Variants in PHF6 observed in about 807,000 individuals in gnomAD.
PHF6 encodes PHD-like zinc finger protein.
Under a neutral mutation model 34.0 loss-of-function variants are expected in PHF6, and 7 were observed. The observed-to-expected ratio is 0.21, with a 90% confidence interval of 0.12 to 0.39. PHF6 has a LOEUF of 0.39. PHF6 is among the 10% of genes least tolerant of loss of function. The probability of loss-of-function intolerance (pLI) is 1.00; values close to 1 mark genes in which losing one functional copy is unlikely to be tolerated. For synonymous variants in PHF6, 89 were observed against 88.4 expected, an observed-to-expected ratio of 1.01 and a Z score of -0.04; for missense variants, 128 against 262.8, an observed-to-expected ratio of 0.49 and a Z score of 3.55.
chrX:134,412,512 A>C (rs189455433), intron 5 of PHF6, among the ~76,000 whole-genome samples: 1 of 111,969 alleles, frequency 8.9e-6, no homozygotes, highest in Admixed American at 9.5e-5. Context: ...AATTATAATC[A>C]ATAACATGGT....
At position 134,405,816 on chromosome X, in the gene PHF6, A is replaced by ATATAT. The variant is rs78613336; in HGVS notation, c.419-7675_419-7674insTATAT. 4.8e-3 allele frequency among the ~76,000 whole-genome samples: 513 copies of ATATAT among 106,262 alleles called. 5 individuals are homozygous for ATATAT. Among genetic ancestry groups the ATATAT allele is most frequent in the East Asian group, 0.021 (72 of 3,389 alleles). 92.3% of individuals were successfully genotyped at this position (106,262 alleles called of 115,157 possible). A position where few individuals can be genotyped will look rare whatever the true frequency, so the allele number is the denominator to read the frequency against. Reference sequence around the variant, plus strand: ...TGTGCATGTGTATGTATATATATATAATATCAAGTATATCAAGTAAATGAT... The same window carrying ATATAT: ...TGTGCATGTGTATGTATATATATATATATATATATCAAGTATATCAAGTAAATGAT... On this transcript the variant is annotated intron_variant, in intron 5 of 10. Coordinates refer to ENST00000370803, the MANE Select transcript of PHF6 (RefSeq NM_001015877.2).
chrX:134,408,462 G>T (rs1195362630), intron 5 of PHF6, among the ~76,000 whole-genome samples: 1 of 111,699 alleles, frequency 9.0e-6, no homozygotes, highest in Non-Finnish European at 1.9e-5. Context: ...CCCACTAACA[G>T]TGTCTAATTC....
chrX:134,386,940 G>A (rs1175902320), intron 3 of PHF6, among the ~76,000 whole-genome samples: 1 of 111,489 alleles, frequency 9.0e-6, no homozygotes, highest in Non-Finnish European at 1.9e-5. Context: ...TGTAAATCCC[G>A]TGGATTAGGC....
chrX:134,419,041 A>C (rs12556335), intron 9 of PHF6: 1 of 109,030 alleles, frequency 9.2e-6, no homozygotes, highest in South Asian at 4.0e-4. Flanking sequence ...AGGAGGAGGA[A>C]GGGTTTTGTT....
chrX:134,386,567 C>T (rs1163856383), intron 3 of PHF6, among the ~76,000 whole-genome samples: 1 of 110,835 alleles, frequency 9.0e-6, no homozygotes, highest in African/African-American at 3.3e-5. Flanking sequence ...CACGCCACCA[C>T]GCCCAGCTAA....
rs369728254 is a variant in PHF6, at chrX:134,393,498, T to C, written c.241-3T>C. On this transcript the variant is annotated splice_polypyrimidine_tract_variant and splice_region_variant and intron_variant, in intron 3 of 10. Transcript: ENST00000370803. Reference sequence around the variant, plus strand: ...ATAATATTATTTTGTCGTTTTGCTGTAGATGTGTTCTTTGTGCCATTGTCC... The same window carrying C: ...ATAATATTATTTTGTCGTTTTGCTGCAGATGTGTTCTTTGTGCCATTGTCC... 37 of 1,209,744 alleles carry C rather than the reference T, an allele frequency of 3.1e-5. No homozygotes were observed. The highest frequency in any genetic ancestry group is 3.7e-5 in the Non-Finnish European group (33 of 894,733).
chrX:134,409,307 T>C (rs1460317556), intron 5 of PHF6, among the ~76,000 whole-genome samples: 2 of 111,676 alleles, frequency 1.8e-5, no homozygotes, highest in African/African-American at 3.2e-5. Context: ...CATTATCATA[T>C]TTTCAATTTT....
In PHF6 at chrX:134,427,442, A is replaced by G; in HGVS notation, c.*1782A>G. ...TTTTTACATTGTGTGCCATAGACTT[A>G]CCCATGGGACAACAGAGCTCCTTCA... is the stretch of plus-strand genomic sequence containing the variant. On this transcript the variant is annotated 3_prime_UTR_variant, in exon 11 of 11. Transcript: ENST00000370803. The G allele has an allele frequency of 6.2e-6, 1 of 160,528 alleles. No homozygotes were observed. The highest frequency in any genetic ancestry group is 1.2e-5 in the Non-Finnish European group (1 of 82,105). The allele number at this position is 160,528 out of a possible 1,213,427, so 13.2% of individuals were successfully genotyped here.
chrX:134,393,430 T>TA, intron 3 of PHF6, 71 bp from the exon 4 acceptor site: 1 of 1,079,184 alleles, frequency 9.3e-7, no homozygotes, highest in Non-Finnish European at 1.3e-6. Flanking sequence ...CAGAAATTGA[T>TA]ATGCCTCTAA....
chrX:134,409,463 TC>T (rs1400240928), intron 5 of PHF6, among the ~76,000 whole-genome samples: 3 of 111,641 alleles, frequency 2.7e-5, no homozygotes, highest in Non-Finnish European at 5.6e-5. Flanking sequence ...ATTCTTTTTT[TC>T]ATCTTGTGTA....
chrX:134,400,099 G>A (rs2077396848), intron 5 of PHF6, among the ~76,000 whole-genome samples: 1 of 110,872 alleles, frequency 9.0e-6, no homozygotes, highest in South Asian at 3.8e-4. Context: ...ATTATTTTGA[G>A]ACAGGGTCTC....
At chrX:134,375,403 A>G (rs1359902793) in intron 1 of PHF6, among the ~76,000 whole-genome samples, 1 of 112,120 alleles carries the variant, frequency 8.9e-6, no homozygotes, top group Non-Finnish European at 1.9e-5. Flanking sequence ...TAGGATGAGA[A>G]ATTAGCCTGT....
At chrX:134,375,974 A>G (rs1176076149) in intron 1 of PHF6, among the ~76,000 whole-genome samples, 1 of 111,714 alleles carries the variant, frequency 9.0e-6, no homozygotes, top group African/African-American at 3.3e-5. Flanking sequence ...ATACAGTACT[A>G]TGGTAAAGTA....
intron 9 of PHF6, among the ~76,000 whole-genome samples, chrX:134,422,816 A>G (rs1448318352): frequency 9.0e-6 from 1 of 111,576 alleles, no homozygotes; most frequent in African/African-American, 3.3e-5. Context: ...CACCTAGACT[A>G]GTGAAGGCCA....
intron 5 of PHF6, among the ~76,000 whole-genome samples, chrX:134,403,346 C>A (rs1448508995): frequency 8.9e-6 from 1 of 111,878 alleles, no homozygotes; most frequent in Non-Finnish European, 1.9e-5. Flanking sequence ...TCAAACCAGC[C>A]ACAACATTCC....
chrX:134,401,491 C>T (rs1273092353), intron 5 of PHF6, among the ~76,000 whole-genome samples: 1 of 111,715 alleles, frequency 9.0e-6, no homozygotes, highest in East Asian at 2.8e-4. Flanking sequence ...CATTAAAATA[C>T]AGTGGTGACA....
chrX:134,386,414 AT>A (rs35350115), intron 3 of PHF6, among the ~76,000 whole-genome samples: 164 of 94,584 alleles, frequency 1.7e-3, no homozygotes, highest in Non-Finnish European at 1.5e-3. Context: ...TTCCCAGATG[AT>A]TTTTTTTTTT....
Position 134,425,220 on chromosome X carries a change from A to C in PHF6, c.988A>C (p.Ser330Arg). The C allele has an allele frequency of 8.3e-7, 1 of 1,210,332 alleles. No individual in the cohort carries two copies. Among genetic ancestry groups the C allele is most frequent in the Non-Finnish European group, 1.1e-6 (1 of 894,290 alleles). The change falls in exon 10 of 11, where the codon AGT becomes CGT. Residue 330 changes from serine (S) to arginine (R), a missense_variant. Ser to Arg is a moderately radical substitution (Grantham distance 110). This residue lies in a region of PHF6 where 16 missense variants were observed against 93.7 expected (regional missense o/e 0.17). Transcript: ENST00000370803. ...TTGTAGACTATACTGTAAAAATCAT[A>C]GTGGAAATGATGAGAGAGATGAAGA... ...GIYKLYCKNH[S>R]GNDERDEEDE...
chrX:134,374,736 A>G (rs1325062937), intron 1 of PHF6, among the ~76,000 whole-genome samples: 1 of 112,518 alleles, frequency 8.9e-6, no homozygotes, highest in African/African-American at 3.2e-5. Context: ...AAAATCAGAA[A>G]TGCATTGATT....
Sources: allele counts gnomAD v4.1 joint callset (sites outside exome capture counted in the v4.1 genomes callset), GRCh38; gene constraint gnomAD v4.1.1; regional missense constraint gnomAD v4.1.1; transcripts MANE v1.5; gene names NCBI Gene and HGNC (gene_info 2026-07-23, HGNC 2026-07-21).